NIPBL: variants seen among roughly 807,000 people sequenced by gnomAD.
NIPBL encodes the protein NIPBL cohesin loading factor.
Under a neutral mutation model 321.8 loss-of-function variants are expected in NIPBL, and 19 were observed. That is an observed-to-expected ratio of 0.06 (90% CI 0.04 to 0.09). The LOEUF (loss-of-function observed/expected upper bound fraction) is 0.09. NIPBL is among the 10% of genes least tolerant of loss of function. The pLI is 1.00. For synonymous variants in NIPBL, 1,106 were observed against 1,114.1 expected (o/e 0.99, Z 0.14); for missense variants, 2,210 against 3,327.0 (o/e 0.66, Z 8.26).
chr5:36,958,739 CAG>C (rs1741262904), intron 4 of NIPBL, among the ~76,000 whole-genome samples: 1 of 151,988 alleles, frequency 6.6e-6, no homozygotes, highest in Non-Finnish European at 1.5e-5. Context: ...ACATCCAACA[CAG>C]ATATAATTTT....
At chr5:36,958,043 A>G (rs1282948954) in intron 3 of NIPBL, 61 bp from the exon 4 acceptor site, 3 of 1,539,240 alleles carry the variant, frequency 1.9e-6, no homozygotes, top group Non-Finnish European at 2.7e-6. Flanking sequence ...CTTTTATATG[A>G]TAAGTCTTCT....
chr5:37,008,443 G>A (rs1277115669), intron 19 of NIPBL, among the ~76,000 whole-genome samples, 180 bp from the exon 20 acceptor site: 1 of 152,062 alleles, frequency 6.6e-6, no homozygotes. Context: ...AATGAAACTA[G>A]TGTACTCTTT....
At chr5:36,992,963 G>C (rs1317799441) in intron 10 of NIPBL, among the ~76,000 whole-genome samples, 1 of 151,804 alleles carries the variant, frequency 6.6e-6, no homozygotes, top group Non-Finnish European at 1.5e-5. Flanking sequence ...GGATGGTCTC[G>C]ATCTCCTGAC....
chr5:37,056,984 CT>C (rs768928033), intron 42 of NIPBL, among the ~76,000 whole-genome samples: 5 of 151,892 alleles, frequency 3.3e-5, no homozygotes, highest in East Asian at 1.9e-4. Flanking sequence ...CTCCCTTTCC[CT>C]TTTTCCCCCC....
intron 1 of NIPBL, among the ~76,000 whole-genome samples, chr5:36,923,022 C>G (rs1561390260): frequency 6.6e-6 from 1 of 152,124 alleles, no homozygotes; most frequent in East Asian, 1.9e-4. Context: ...GGGCTGGTGG[C>G]TCACACCTGT....
At chr5:37,061,378 TA>T (rs367555965) in intron 45 of NIPBL, among the ~76,000 whole-genome samples, 1 of 152,050 alleles carries the variant, frequency 6.6e-6, no homozygotes, top group South Asian at 2.1e-4. Flanking sequence ...AAGGGCCTGA[TA>T]AAAAAATGGC....
At chr5:36,958,278 A>G (rs758285953) in intron 4 of NIPBL, 47 bp downstream of exon 4, 10 of 1,591,012 alleles carry the variant, frequency 6.3e-6, no homozygotes, top group East Asian at 2.2e-5. Context: ...TGTTTTATAC[A>G]TATTTAAATC....
chr5:36,905,243 A>G (rs1747542261), intron 1 of NIPBL, among the ~76,000 whole-genome samples: 1 of 152,170 alleles, frequency 6.6e-6, no homozygotes, highest in African/African-American at 2.4e-5. Flanking sequence ...AAGAGATAAT[A>G]TTACTGTAAT....
chr5:37,000,688 A>G (rs191959652), intron 12 of NIPBL, 118 bp downstream of exon 12: 1 of 1,307,046 alleles, frequency 7.7e-7, no homozygotes, highest in Non-Finnish European at 1.1e-6. Context: ...TTAAGACAAA[A>G]ATACTTAGTT....
At chr5:36,972,165 A>T in intron 8 of NIPBL, 124 bp downstream of exon 8, 1 of 680,430 alleles carries the variant, frequency 1.5e-6, no homozygotes, top group South Asian at 1.8e-5. Context: ...AGAAAAAAAA[A>T]TAAACCTGTA....
At chr5:36,974,128 G>T (rs947566240) in intron 8 of NIPBL, among the ~76,000 whole-genome samples, 2 of 152,062 alleles carry the variant, frequency 1.3e-5, no homozygotes, top group Non-Finnish European at 2.9e-5. Flanking sequence ...TAGATTGCCG[G>T]GGAAAGAGAA....
intron 1 of NIPBL, among the ~76,000 whole-genome samples, chr5:36,925,200 T>A (rs1301817685): frequency 1.3e-5 from 2 of 152,178 alleles, no homozygotes; most frequent in African/African-American, 4.8e-5. Flanking sequence ...AAACACTCTT[T>A]TCTAGTATAT....
intron 32 of NIPBL, among the ~76,000 whole-genome samples, chr5:37,032,599 A>G (rs1330746946): frequency 1.3e-5 from 2 of 152,120 alleles, no homozygotes; most frequent in East Asian, 3.9e-4. Flanking sequence ...CTGAGACCCC[A>G]TCTCTGAAAA....
intron 42 of NIPBL, 138 bp from the exon 43 acceptor site, chr5:37,057,048 C>G (rs1754171177): frequency 1.3e-6 from 1 of 793,740 alleles, no homozygotes; most frequent in East Asian, 2.7e-5. Context: ...TCTCTCCCCA[C>G]TCTCTCCGTG....
chr5:37,030,561 GT>G (rs1372721764), intron 32 of NIPBL, among the ~76,000 whole-genome samples: 5 of 152,136 alleles, frequency 3.3e-5, no homozygotes, highest in African/African-American at 1.2e-4. Context: ...ATTGCATTCA[GT>G]CCAATTTCAG....
rs886060554 is a variant in NIPBL at position 36,876,848 on chromosome 5, C to T, written c.-410C>T. On this transcript the variant is annotated 5_prime_UTR_variant, in exon 1 of 47. Transcript: ENST00000282516. ...TCCCCCCGCCCTCCCCCCCCTCCCT[C>T]CGTCGGTACCGACTCACCCGACACC... is the stretch of plus-strand genomic sequence containing the variant. The T allele has an allele frequency of 3.9e-5, 15 of 388,990 alleles. No individual in the cohort carries two copies. Among genetic ancestry groups the T allele is most frequent in the Non-Finnish European group, 6.8e-5 (15 of 221,104 alleles). 24.1% of individuals were successfully genotyped at this position (388,990 alleles called of 1,614,324 possible). A position where few individuals can be genotyped will look rare whatever the true frequency, so the allele number is the denominator to read the frequency against.
At chr5:36,894,004 A>G (rs888245856) in intron 1 of NIPBL, among the ~76,000 whole-genome samples, 5 of 152,172 alleles carry the variant, frequency 3.3e-5, no homozygotes, top group African/African-American at 1.2e-4. Context: ...AGTTTGCTCA[A>G]AAGTCAAATT....
intron 11 of NIPBL, among the ~76,000 whole-genome samples, chr5:36,997,633 T>C (rs929498816): frequency 6.6e-6 from 1 of 152,180 alleles, no homozygotes; most frequent in African/African-American, 2.4e-5. Flanking sequence ...AAAGGAAAGT[T>C]TCTCTGGATT....
In NIPBL at chr5:37,000,855, A is replaced by C. The variant is rs35748854; in HGVS notation, c.3541A>C (p.Arg1181=). ...GAAGAAAAAAGAAAAACAGAAGAAAAGGAAAGCATATGAACCAAAACTAAC... is the reference window on the plus strand; with the variant it reads ...GAAGAAAAAAGAAAAACAGAAGAAACGGAAAGCATATGAACCAAAACTAAC... ...KMKKKEKQKK[R]KAYEPKLTPE... Residue 1181 remains arginine (R), a synonymous_variant, in exon 13 of 47, where the codon AGG becomes CGG. Coordinates refer to ENST00000282516, the MANE Select transcript of NIPBL (RefSeq NM_133433.4). The C allele has an allele frequency of 1.5e-3, 2,353 of 1,612,244 alleles. 26 individuals are homozygous for C. The African/African-American group carries it at 0.028, about 19-fold the overall frequency.
Sources: allele counts gnomAD v4.1 joint callset (sites outside exome capture counted in the v4.1 genomes callset), GRCh38; gene constraint gnomAD v4.1.1; transcripts MANE v1.5; gene names NCBI Gene and HGNC (gene_info 2026-07-23, HGNC 2026-07-21).